MAP1LC3B: variants seen among roughly 807,000 people sequenced by gnomAD.
MAP1LC3B encodes the protein microtubule associated protein 1 light chain 3 beta.
In MAP1LC3B, 12 loss-of-function variants were observed where a neutral mutation model predicts 16.7. The ratio of observed to expected loss-of-function variants is 0.72; its 90% confidence interval spans 0.46 to 1.16. The LOEUF (loss-of-function observed/expected upper bound fraction) is 1.16. Ranked by LOEUF, MAP1LC3B falls within the 50% of genes most tolerant of loss-of-function variation. The probability of loss-of-function intolerance (pLI) is 0.00; values close to 1 mark genes in which losing one functional copy is unlikely to be tolerated. For missense variants in MAP1LC3B, 155 were observed against 159.5 expected (o/e 0.97, Z 0.15); for synonymous variants, 63 against 56.5 (o/e 1.11, Z -0.51).
intron 2 of MAP1LC3B, among the ~76,000 whole-genome samples, chr16:87,401,650 C>T (rs575547199): frequency 1.9e-4 from 29 of 152,124 alleles, no homozygotes; most frequent in African/African-American, 6.3e-4. Flanking sequence ...CTCAGCCTCC[C>T]GAGTAGCTGG....
At chr16:87,395,369 G>A (rs1203987468) in intron 1 of MAP1LC3B, among the ~76,000 whole-genome samples, 1 of 152,174 alleles carries the variant, frequency 6.6e-6, no homozygotes, top group Admixed American at 6.6e-5. Flanking sequence ...AGCCCTGGGG[G>A]GACACAGATT....
At chr16:87,402,357 CTT>C in intron 3 of MAP1LC3B, 76 bp downstream of exon 3, 1 of 1,351,034 alleles carries the variant, frequency 7.4e-7, no homozygotes. Context: ...ACAGTTAAAT[CTT>C]TAGTTCTGGT....
intron 1 of MAP1LC3B, chr16:87,396,994 A>G (rs1422812964): frequency 6.6e-6 from 1 of 151,832 alleles, no homozygotes; most frequent in Non-Finnish European, 1.5e-5. Context: ...CGCCCAGCTC[A>G]TTTTTGTATT....
rs1908048201 is a variant in MAP1LC3B, at chr16:87,402,960, C to T, written c.241C>T (p.Leu81=). Residue 81 remains leucine (L), a synonymous_variant, in exon 4 of 4, where the codon CTG becomes TTG. Transcript: ENST00000268607. Reference sequence around the variant, plus strand: ...GCTCAATGCTAATCAGGCCTTCTTCCTGTTGGTGAACGGACACAGCATGGT... The same window carrying T: ...GCTCAATGCTAATCAGGCCTTCTTCTTGTTGGTGAACGGACACAGCATGGT... ...LQLNANQAFF[L]LVNGHSMVSV... The T allele has an allele frequency of 6.2e-7, 1 of 1,613,884 alleles. No individual in the cohort carries two copies. Among genetic ancestry groups the T allele is most frequent in the Non-Finnish European group, 8.5e-7 (1 of 1,179,898 alleles).
intron 3 of MAP1LC3B, chr16:87,402,598 ACT>A (rs1320590155): frequency 6.2e-5 from 33 of 534,164 alleles, no homozygotes; most frequent in African/African-American, 4.2e-4. Flanking sequence ...GAGAATGTAG[ACT>A]CTGTGAGTGG....
chr16:87,395,852 CTTTTTTTTTTT>C (rs72388667), intron 1 of MAP1LC3B, among the ~76,000 whole-genome samples: 3 of 53,840 alleles, frequency 5.6e-5, no homozygotes, highest in Non-Finnish European at 9.6e-5. Context: ...TCCTTCTTTC[CTTTTTTTTTTT>C]TTTTTTTTTT....
intron 1 of MAP1LC3B, 96 bp from the exon 2 acceptor site, chr16:87,398,719 C>T (rs1413693608): frequency 3.8e-6 from 4 of 1,061,412 alleles, no homozygotes; most frequent in Non-Finnish European, 5.8e-6. Flanking sequence ...TGCTGTGCCA[C>T]AGCTAGCAGC....
rs993413226 is a variant in MAP1LC3B at position 87,399,101 on chromosome 16, T to C, written c.96+231T>C. ...GCTCAGTGCAGTCTCAGCCACCTTG[T>C]GCTCAAGCAGTCCTCCCTCCTCAGC... is the stretch of plus-strand genomic sequence containing the variant. On this transcript the variant is annotated intron_variant, in intron 2 of 3. Transcript: ENST00000268607. 9.6e-6 allele frequency: 5 copies of C among 521,250 alleles called. No homozygotes were observed. The African/African-American group carries it at 9.6e-5, about 10-fold the overall frequency. The allele number at this position is 521,250 out of a possible 1,614,324, so 32.3% of individuals were successfully genotyped here.
At chr16:87,397,943 GT>G (rs968336269) in intron 1 of MAP1LC3B, among the ~76,000 whole-genome samples, 2 of 146,184 alleles carry the variant, frequency 1.4e-5, no homozygotes, top group African/African-American at 2.5e-5. Context: ...GACTTGGCTT[GT>G]TTTTTTTTCC....
intron 1 of MAP1LC3B, among the ~76,000 whole-genome samples, chr16:87,395,047 G>C (rs1226220110): frequency 1.3e-5 from 2 of 152,186 alleles, no homozygotes; most frequent in Non-Finnish European, 2.9e-5. Flanking sequence ...GCCTGGCCTG[G>C]GGGAGGGGGA....
intron 1 of MAP1LC3B, among the ~76,000 whole-genome samples, chr16:87,398,025 ATTTT>A (rs766029599): frequency 7.0e-6 from 1 of 143,790 alleles, no homozygotes; most frequent in Admixed American, 7.0e-5. Flanking sequence ...GGAGAAAAGA[ATTTT>A]TTTTTTTTTT....
At position 87,402,284 on chromosome 16, in the gene MAP1LC3B, A is replaced by G. The variant is rs1342448516; in HGVS notation, c.203+3A>G. 1.9e-6 allele frequency: 3 copies of G among 1,612,392 alleles called. No homozygotes were observed. The highest frequency in any genetic ancestry group is 2.2e-5 in the East Asian group (1 of 44,876). On this transcript the variant is annotated splice_donor_region_variant and intron_variant, in intron 3 of 3. Transcript: ENST00000268607. Reference sequence around the variant, plus strand: ...AGTGAGCTCATCAAGATAATTAGGTATTCAGTCACCTTTGTTTCATAATAT... The same window carrying G: ...AGTGAGCTCATCAAGATAATTAGGTGTTCAGTCACCTTTGTTTCATAATAT...
At chr16:87,393,438 G>A (rs1439990372) in intron 1 of MAP1LC3B, 2 of 152,246 alleles carry the variant, frequency 1.3e-5, no homozygotes, top group Non-Finnish European at 2.9e-5. Context: ...GGTGCTGTTT[G>A]TCTGCTTTTG....
chr16:87,394,979 A>G (rs1312229785), intron 1 of MAP1LC3B, among the ~76,000 whole-genome samples: 2 of 133,950 alleles, frequency 1.5e-5, no homozygotes, highest in Non-Finnish European at 3.1e-5. Context: ...TATTGGCCTC[A>G]AGTGATCCTC....
At chr16:87,392,541 C>T in intron 1 of MAP1LC3B, 74 bp downstream of exon 1, 1 of 1,201,358 alleles carries the variant, frequency 8.3e-7, no homozygotes, top group Non-Finnish European at 1.0e-6. Context: ...GGGCCTGGGA[C>T]GCCGTGAGGG....
rs1908119160 is a variant in MAP1LC3B, at chr16:87,404,714, T to C, written c.*1617T>C. On this transcript the variant is annotated 3_prime_UTR_variant, in exon 4 of 4. Transcript: ENST00000268607. ...CCCATGTGAGTGGTCACTTTATTTA[T>C]AGGATCTTTAAAACATTTTTAATGA... 1 of 152,202 alleles carries C rather than the reference T, an allele frequency of 6.6e-6. No individual in the cohort carries two copies. Among genetic ancestry groups the C allele is most frequent in the Non-Finnish European group, 1.5e-5 (1 of 68,030 alleles). 9.4% of individuals were successfully genotyped at this position (152,202 alleles called of 1,614,324 possible). A position where few individuals can be genotyped will look rare whatever the true frequency, so the allele number is the denominator to read the frequency against.
intron 1 of MAP1LC3B, 165 bp downstream of exon 1, chr16:87,392,632 T>A: frequency 1.3e-5 from 7 of 530,190 alleles, no homozygotes; most frequent in Non-Finnish European, 1.8e-5. Context: ...CGGGGCCCCG[T>A]GAGGGACCCA....
In MAP1LC3B at chr16:87,392,405, G is replaced by A. The variant is rs1462660572; in HGVS notation, c.-23G>A. 1 of 1,422,256 alleles carries A rather than the reference G, an allele frequency of 7.0e-7. No homozygotes were observed. Among genetic ancestry groups the A allele is most frequent in the South Asian group, 1.4e-5 (1 of 70,030 alleles). The allele number at this position is 1,422,256 out of a possible 1,614,324, so 88.1% of individuals were successfully genotyped here. A position where few individuals can be genotyped will look rare whatever the true frequency, so the allele number is the denominator to read the frequency against. On this transcript the variant is annotated 5_prime_UTR_variant, in exon 1 of 4. Coordinates refer to ENST00000268607, the MANE Select transcript of MAP1LC3B (RefSeq NM_022818.5). ...CCGGGACCCTCGCGTCGTCGCCGCC[G>A]CCGCCGCCCAGATCCCTGCACCATG... is the stretch of plus-strand genomic sequence containing the variant.
chr16:87,402,307 T>C, intron 3 of MAP1LC3B, 26 bp downstream of exon 3: 2 of 1,595,726 alleles, frequency 1.3e-6, no homozygotes, highest in East Asian at 2.2e-5. Context: ...TGTTTCATAA[T>C]ATATTTCCTT....
Sources: allele counts gnomAD v4.1 joint callset (sites outside exome capture counted in the v4.1 genomes callset), GRCh38; gene constraint gnomAD v4.1.1; transcripts MANE v1.5; gene names NCBI Gene and HGNC (gene_info 2026-07-23, HGNC 2026-07-21).